Variants in PCP4 observed in about 807,000 individuals in gnomAD.
The protein encoded by PCP4 is calmodulin regulator protein PCP4.
Under a neutral mutation model 10.0 loss-of-function variants are expected in PCP4, and 8 were observed. The observed-to-expected ratio is 0.80, with a 90% CI of 0.47 to 1.45. The LOEUF (loss-of-function observed/expected upper bound fraction) is 1.45. Ranked by LOEUF, PCP4 falls within the 40% of genes most tolerant of loss-of-function variation. PCP4 has a pLI of 0.00. For missense variants in PCP4, 54 were observed against 74.4 expected, an observed-to-expected ratio of 0.73 and a Z score of 1.01; for synonymous variants, 21 against 23.0, an observed-to-expected ratio of 0.91 and a Z score of 0.24.
At chr21:39,876,182 T>G (rs1281978208) in intron 1 of PCP4, among the ~76,000 whole-genome samples, 1 of 151,936 alleles carries the variant, frequency 6.6e-6, no homozygotes, top group Non-Finnish European at 1.5e-5. Context: ...TCAGCGGTAT[T>G]AATTACATTT....
intron 1 of PCP4, among the ~76,000 whole-genome samples, chr21:39,884,168 A>T (rs1224652647): frequency 6.6e-6 from 1 of 151,184 alleles, no homozygotes; most frequent in East Asian, 1.9e-4. Context: ...GAGTTTTGAC[A>T]TATGCAGTCT....
At position 39,879,197 on chromosome 21, in the gene PCP4, C is replaced by T. The variant is rs574051131; in HGVS notation, c.9+11687C>T. ...AGAGATGGGGTTTCACCATGTTGGCCGGGCTGGTCTCAAACTCCTGACCTC... is the reference window on the plus strand; with the variant it reads ...AGAGATGGGGTTTCACCATGTTGGCTGGGCTGGTCTCAAACTCCTGACCTC... On this transcript the variant is annotated intron_variant, in intron 1 of 2. Transcript: ENST00000328619. Among the ~76,000 whole-genome samples the T allele has an allele frequency of 1.6e-3, 244 of 152,126 alleles. 2 individuals are homozygous for T. The highest frequency in any genetic ancestry group is 4.6e-3 in the African/African-American group (193 of 41,506).
chr21:39,881,093 T>A (rs2087373698), intron 1 of PCP4, among the ~76,000 whole-genome samples: 1 of 152,184 alleles, frequency 6.6e-6, no homozygotes, highest in South Asian at 2.1e-4. Context: ...CTTTTACCTG[T>A]CTGCTAATCT....
chr21:39,924,955 G>A (rs1447271574), intron 2 of PCP4, among the ~76,000 whole-genome samples: 3 of 152,178 alleles, frequency 2.0e-5, no homozygotes, highest in Non-Finnish European at 1.5e-5. Flanking sequence ...CTCCTCTGGG[G>A]CCACAGGCCC....
Position 39,873,686 on chromosome 21 carries a change from T to C in PCP4, c.9+6176T>C, listed in dbSNP as rs538768364. 2.6e-5 allele frequency among the ~76,000 whole-genome samples: 4 copies of C among 152,300 alleles called. No homozygotes were observed. The East Asian group carries it at 7.7e-4, about 29-fold the overall frequency. On this transcript the variant is annotated intron_variant, in intron 1 of 2. Transcript: ENST00000328619. ...CAATGAATACAGAAACGTTTTCCAG[T>C]CACCTGGCACAAGGGCCTTTGGGGT...
chr21:39,915,545 C>T (rs982491905), intron 2 of PCP4, among the ~76,000 whole-genome samples: 1 of 152,198 alleles, frequency 6.6e-6, no homozygotes, highest in African/African-American at 2.4e-5. Context: ...TAGAAGGATT[C>T]TGGAGGTAGA....
rs183402956 is a variant in PCP4, at chr21:39,916,651, G to A, written c.62-12333G>A. Among the ~76,000 whole-genome samples the A allele has an allele frequency of 3.3e-4, 50 of 152,272 alleles. 1 individual carries two copies. The East Asian group carries it at 8.3e-3, about 25-fold the overall frequency. ...GGGATATAAATCATTCTATTACAAA[G>A]ACACAAGCGTGTATATGTTCATTGC... On this transcript the variant is annotated intron_variant, in intron 2 of 2. Coordinates refer to ENST00000328619, the MANE Select transcript of PCP4 (RefSeq NM_006198.3).
chr21:39,887,475 A>G (rs1166808368), intron 1 of PCP4, among the ~76,000 whole-genome samples: 1 of 152,182 alleles, frequency 6.6e-6, no homozygotes, highest in East Asian at 1.9e-4. Context: ...TATAGATGAC[A>G]AAAATATCAC....
intron 2 of PCP4, among the ~76,000 whole-genome samples, chr21:39,911,175 G>A (rs1483149441): frequency 3.3e-5 from 5 of 152,064 alleles, no homozygotes; most frequent in African/African-American, 1.2e-4. Flanking sequence ...GAAAGTAAGG[G>A]CAATGGATGG....
At chr21:39,910,913 G>A (rs965249976) in intron 2 of PCP4, among the ~76,000 whole-genome samples, 5 of 152,174 alleles carry the variant, frequency 3.3e-5, no homozygotes, top group African/African-American at 7.2e-5. Context: ...GCCATTCTAT[G>A]CTTTACTCAT....
intron 2 of PCP4, among the ~76,000 whole-genome samples, chr21:39,905,484 C>A (rs1198724331): frequency 6.6e-6 from 1 of 152,182 alleles, no homozygotes; most frequent in Non-Finnish European, 1.5e-5. Context: ...TGATATTGCT[C>A]AACAAGTGAG....
intron 1 of PCP4, among the ~76,000 whole-genome samples, chr21:39,872,028 T>A (rs1245802782): frequency 1.3e-5 from 2 of 152,184 alleles, no homozygotes; most frequent in African/African-American, 4.8e-5. Flanking sequence ...AGATGGAGTC[T>A]CTCTCTCTTG....
chr21:39,925,797 C>T (rs895223017), intron 2 of PCP4, among the ~76,000 whole-genome samples: 4 of 152,090 alleles, frequency 2.6e-5, no homozygotes, highest in African/African-American at 9.7e-5. Context: ...ACAGGGCCAC[C>T]CTGCTCCTGT....
chr21:39,892,306 TA>T (rs553541610), intron 1 of PCP4, among the ~76,000 whole-genome samples: 46 of 152,236 alleles, frequency 3.0e-4, no homozygotes, highest in Admixed American at 1.1e-3. Flanking sequence ...ATGTTTATAA[TA>T]ATGATTGATA....
chr21:39,920,994 A>G (rs891205046), intron 2 of PCP4, among the ~76,000 whole-genome samples: 2 of 152,176 alleles, frequency 1.3e-5, no homozygotes, highest in Non-Finnish European at 2.9e-5. Context: ...CTGAAATTCT[A>G]TTACTTACTT....
chr21:39,883,556 A>G (rs1283943338), intron 1 of PCP4: 2 of 152,262 alleles, frequency 1.3e-5, no homozygotes, highest in Non-Finnish European at 2.9e-5. Flanking sequence ...TAACACAGGT[A>G]GAGCCTACGT....
At chr21:39,907,860 G>A (rs547121651) in intron 2 of PCP4, among the ~76,000 whole-genome samples, 3 of 152,254 alleles carry the variant, frequency 2.0e-5, no homozygotes, top group Admixed American at 2.0e-4. Flanking sequence ...AAACTACAGA[G>A]CAATGATTAG....
intron 1 of PCP4, among the ~76,000 whole-genome samples, chr21:39,884,800 AAGAGAGAGAGAG>A (rs3988433): frequency 6.7e-6 from 1 of 149,014 alleles, no homozygotes; most frequent in Non-Finnish European, 1.5e-5. Flanking sequence ...CCGTCTTAAA[AAGAGAGAGAGAG>A]AGAGAGAGAG....
At chr21:39,880,188 C>CTATATCTATATCTATCTA (rs1325255846) in intron 1 of PCP4, among the ~76,000 whole-genome samples, 8 of 122,608 alleles carry the variant, frequency 6.5e-5, no homozygotes, top group South Asian at 5.4e-4. Flanking sequence ...ATATCTATAT[C>CTATATCTATATCTATCTA]TATCTATATC....
Sources: gnomAD v4.1 joint callset for allele counts (sites outside exome capture counted in the v4.1 genomes callset) on GRCh38, gnomAD v4.1.1 for gene constraint, MANE v1.5 for transcripts, NCBI Gene and HGNC (gene_info 2026-07-23, HGNC 2026-07-21) for gene names.